DPP6: variants seen among roughly 807,000 people sequenced by gnomAD.
DPP6 encodes A-type potassium channel modulatory protein DPP6.
DPP6 carries 69 observed loss-of-function variants against 122.6 expected under a neutral mutation model. The observed-to-expected ratio is 0.56, with a 90% CI of 0.46 to 0.69. The LOEUF (loss-of-function observed/expected upper bound fraction) is 0.69, where lower values mean the gene tolerates loss of function less well. Among genes scored for constraint, DPP6 ranks in the 30% least tolerant of loss-of-function variants. The pLI is 0.00. For synonymous variants in DPP6, 418 were observed against 433.1 expected (o/e 0.97, Z 0.43); for missense variants, 928 against 1,116.9 (o/e 0.83, Z 2.41).
chr7:153,909,909 G>A (rs1392232749), intron 1 of DPP6, among the ~76,000 whole-genome samples: 1 of 152,076 alleles, frequency 6.6e-6, no homozygotes, highest in Non-Finnish European at 1.5e-5. Flanking sequence ...CACCCAGACA[G>A]GTTTTGTCTC....
intron 6 of DPP6, among the ~76,000 whole-genome samples, chr7:154,649,756 T>C (rs537094469): frequency 6.6e-6 from 1 of 152,168 alleles, no homozygotes; most frequent in East Asian, 1.9e-4. Context: ...ATCTCTCATC[T>C]CTCCAAATGA....
intron 1 of DPP6, among the ~76,000 whole-genome samples, chr7:153,932,035 C>T (rs1285548368): frequency 1.3e-5 from 2 of 151,724 alleles, no homozygotes; most frequent in Admixed American, 6.6e-5. Flanking sequence ...TTACAAATGA[C>T]GAAAGTGAGA....
chr7:154,015,113 C>A (rs1315339771), intron 1 of DPP6, among the ~76,000 whole-genome samples: 2 of 152,078 alleles, frequency 1.3e-5, no homozygotes, highest in African/African-American at 2.4e-5. Context: ...CCAAGGAAAT[C>A]TAGGGGTTTG....
intron 4 of DPP6, among the ~76,000 whole-genome samples, chr7:154,546,360 A>G (rs1319465705): frequency 6.6e-6 from 1 of 151,980 alleles, no homozygotes; most frequent in Non-Finnish European, 1.5e-5. Context: ...TTATTCAATA[A>G]TTTTAATCGG....
chr7:153,944,544 T>C (rs1801849156), intron 1 of DPP6, among the ~76,000 whole-genome samples: 1 of 151,270 alleles, frequency 6.6e-6, no homozygotes, highest in African/African-American at 2.4e-5. Context: ...TGCTGTGACG[T>C]GGACTGGGAG....
intron 1 of DPP6, chr7:154,096,058 A>G (rs1805300212): frequency 1.0e-5 from 1 of 96,192 alleles, no homozygotes; most frequent in Non-Finnish European, 2.1e-5. Flanking sequence ...CTGAGGTGTG[A>G]CATCGCCCCC....
chr7:154,298,268 C>CCACACACACACACA (rs773227930), intron 1 of DPP6, among the ~76,000 whole-genome samples: 374 of 150,436 alleles, frequency 2.5e-3, no homozygotes, highest in African/African-American at 7.8e-3. Context: ...CTCTCTCTCT[C>CCACACACACACACA]CACACACACA....
chr7:154,883,759 C>G (rs1259115537), intron 21 of DPP6: 1 of 136,008 alleles, frequency 7.4e-6, no homozygotes, highest in Non-Finnish European at 1.6e-5. Context: ...CTACATACAC[C>G]TACTCACACA....
intron 1 of DPP6, among the ~76,000 whole-genome samples, chr7:153,977,590 G>C (rs2129036380): frequency 6.6e-6 from 1 of 152,100 alleles, no homozygotes; most frequent in East Asian, 1.9e-4. Context: ...TAAGTTCTGG[G>C]ATACATGTTG....
chr7:153,768,422 G>GT, the DPP6 span, among the ~76,000 whole-genome samples: 6 of 152,072 alleles, frequency 3.9e-5, no homozygotes, highest in Non-Finnish European at 5.9e-5. Context: ...AGGTTCCTTT[G>GT]TATGTCTGTT....
At chr7:154,020,707 C>T (rs1320777113) in intron 1 of DPP6, among the ~76,000 whole-genome samples, 1 of 152,104 alleles carries the variant, frequency 6.6e-6, no homozygotes, top group African/African-American at 2.4e-5. Context: ...GTGGAGATGA[C>T]CTCCAGCCCC....
At chr7:154,121,602 A>G (rs954986736) in intron 1 of DPP6, among the ~76,000 whole-genome samples, 2 of 152,082 alleles carry the variant, frequency 1.3e-5, no homozygotes, top group Non-Finnish European at 2.9e-5. Context: ...TCTGTTACTG[A>G]TTTCTAAATT....
At chr7:154,256,899 C>T (rs947357991) in intron 1 of DPP6, among the ~76,000 whole-genome samples, 2 of 152,100 alleles carry the variant, frequency 1.3e-5, no homozygotes, top group East Asian at 1.9e-4. Flanking sequence ...CTCAGCCTCA[C>T]TTTAGAGAGG....
At position 154,032,416 on chromosome 7, in the gene DPP6, G is replaced by A. The variant is rs899325954; in HGVS notation, c.51+144682G>A. On this transcript the variant is annotated intron_variant, in intron 1 of 25. Transcript: ENST00000404039. ...CAAAGCGTATTTATCCTTGTATACC[G>A]TTGGGAGCACTGATTTTATTTTATT... Among the ~76,000 whole-genome samples, 14 of 152,252 alleles carry A rather than the reference G, an allele frequency of 9.2e-5. 1 individual carries two copies. The highest frequency in any genetic ancestry group is 1.4e-4 in the African/African-American group (6 of 41,556).
chr7:153,894,004 G>A (rs1156753056), intron 1 of DPP6, among the ~76,000 whole-genome samples: 1 of 152,182 alleles, frequency 6.6e-6, no homozygotes, highest in Non-Finnish European at 1.5e-5. Flanking sequence ...TGTTTCAGCA[G>A]CTGAGCTTGT....
intron 1 of DPP6, among the ~76,000 whole-genome samples, chr7:154,371,104 A>G (rs541966046): frequency 6.6e-6 from 1 of 152,266 alleles, no homozygotes; most frequent in African/African-American, 2.4e-5. Context: ...TGGGCCGGGC[A>G]TGGTGGTTCA....
intron 1 of DPP6, among the ~76,000 whole-genome samples, chr7:154,232,577 G>T (rs1367698736): frequency 1.3e-5 from 2 of 152,202 alleles, no homozygotes; most frequent in Non-Finnish European, 2.9e-5. Flanking sequence ...GCTGTGTATG[G>T]AGAACCAATG....
chr7:153,781,265 C>CAA, the DPP6 span, among the ~76,000 whole-genome samples: 14,469 of 152,088 alleles, frequency 0.095, 1,932 homozygotes, highest in African/African-American at 0.3. Flanking sequence ...CTTCGTTTCA[C>CAA]AGTTTCAGTC....
At chr7:154,719,037 C>T (rs1373683882) in intron 7 of DPP6, among the ~76,000 whole-genome samples, 2 of 152,182 alleles carry the variant, frequency 1.3e-5, no homozygotes, top group Non-Finnish European at 2.9e-5. Context: ...GGTTTTACCC[C>T]ATTGCTCTTT....
Sources: allele counts gnomAD v4.1 joint callset (sites outside exome capture counted in the v4.1 genomes callset), GRCh38; gene constraint gnomAD v4.1.1; transcripts MANE v1.5; gene names NCBI Gene and HGNC (gene_info 2026-07-23, HGNC 2026-07-21).